KLHL32: variants seen among roughly 807,000 people sequenced by gnomAD.
The protein encoded by KLHL32 is kelch-like protein 32.
Under a neutral mutation model 64.8 loss-of-function variants are expected in KLHL32, and 35 were observed. The observed-to-expected ratio is 0.54, with a 90% CI of 0.41 to 0.72. The LOEUF is 0.72. KLHL32 is among the 30% of genes least tolerant of loss of function. The pLI is 0.00. For synonymous variants in KLHL32, 259 were observed against 281.0 expected (o/e 0.92, Z 0.78); for missense variants, 589 against 768.5 (o/e 0.77, Z 2.76).
At chr6:96,909,859 T>G in the KLHL32 span, among the ~76,000 whole-genome samples, 1 of 152,232 alleles carries the variant, frequency 6.6e-6, no homozygotes, top group Non-Finnish European at 1.5e-5. Flanking sequence ...TGTCAGCAGT[T>G]GTGTCCTGCT....
At chr6:96,912,001 A>C in the KLHL32 span, among the ~76,000 whole-genome samples, 1 of 150,912 alleles carries the variant, frequency 6.6e-6, no homozygotes, top group Non-Finnish European at 1.5e-5. Flanking sequence ...ATGATTCCCA[A>C]ATCTATCACT....
intron 6 of KLHL32, among the ~76,000 whole-genome samples, chr6:97,099,836 G>A (rs1014436720): frequency 2.0e-5 from 3 of 151,636 alleles, no homozygotes; most frequent in Non-Finnish European, 4.4e-5. Context: ...TGACTACCTG[G>A]GCATTGGCCC....
chr6:96,982,787 C>T (rs568228417), intron 3 of KLHL32, among the ~76,000 whole-genome samples: 10 of 152,276 alleles, frequency 6.6e-5, no homozygotes, highest in Admixed American at 4.6e-4. Flanking sequence ...TGGGCTGAGA[C>T]GATGGGGTTT....
chr6:97,060,988 C>T (rs1429810867), intron 4 of KLHL32, among the ~76,000 whole-genome samples: 1 of 152,078 alleles, frequency 6.6e-6, no homozygotes, highest in Non-Finnish European at 1.5e-5. Flanking sequence ...AGGAGATGTT[C>T]CTGGGCCAGA....
At chr6:97,074,064 A>G (rs1372650504) in intron 5 of KLHL32, among the ~76,000 whole-genome samples, 1 of 152,224 alleles carries the variant, frequency 6.6e-6, no homozygotes, top group African/African-American at 2.4e-5. Flanking sequence ...GCACAGTTGA[A>G]GGCCTCGGGT....
At chr6:97,086,437 C>T (rs1424501860) in intron 6 of KLHL32, among the ~76,000 whole-genome samples, 1 of 152,166 alleles carries the variant, frequency 6.6e-6, no homozygotes, top group Non-Finnish European at 1.5e-5. Flanking sequence ...GCTGCAGCGT[C>T]CTGAAGGCCT....
chr6:97,060,508 C>T (rs544459378), intron 4 of KLHL32, among the ~76,000 whole-genome samples: 47 of 152,240 alleles, frequency 3.1e-4, no homozygotes, highest in Non-Finnish European at 6.3e-4. Context: ...ACTGAGGTGG[C>T]CCACGTCATC....
chr6:96,899,316 G>T, the KLHL32 span, among the ~76,000 whole-genome samples: 3 of 152,056 alleles, frequency 2.0e-5, no homozygotes, highest in African/African-American at 7.2e-5. Context: ...GGCTTTTTAG[G>T]CACGGTATTT....
chr6:97,020,738 T>A (rs1448015116), intron 3 of KLHL32, among the ~76,000 whole-genome samples: 1 of 150,972 alleles, frequency 6.6e-6, no homozygotes, highest in Non-Finnish European at 1.5e-5. Context: ...CTCAGTCACT[T>A]CCTATTTCTT....
chr6:97,105,765 C>CAA (rs10711890), intron 6 of KLHL32, among the ~76,000 whole-genome samples: 21 of 147,934 alleles, frequency 1.4e-4, no homozygotes, highest in East Asian at 4.0e-4. Flanking sequence ...TAGACCAAGA[C>CAA]AAAAAAAAAA....
chr6:97,035,250 A>G (rs553468228), intron 3 of KLHL32, among the ~76,000 whole-genome samples: 1 of 152,212 alleles, frequency 6.6e-6, no homozygotes, highest in East Asian at 1.9e-4. Context: ...CCACACTTTT[A>G]CCACCTCCCC....
the KLHL32 span, among the ~76,000 whole-genome samples, chr6:96,911,853 G>C: frequency 6.0e-5 from 2 of 33,076 alleles, no homozygotes; most frequent in Non-Finnish European, 9.1e-5. Context: ...TTTTTTTTTG[G>C]CAGCTGCCAC....
chr6:97,075,738 TACC>T (rs2128168332), intron 5 of KLHL32, among the ~76,000 whole-genome samples: 1 of 152,298 alleles, frequency 6.6e-6, no homozygotes, highest in Admixed American at 6.5e-5. Flanking sequence ...AGTCACATAA[TACC>T]TTGATTTATA....
intron 3 of KLHL32, among the ~76,000 whole-genome samples, chr6:97,015,163 A>G (rs182532404): frequency 3.9e-5 from 6 of 152,328 alleles, no homozygotes; most frequent in Middle Eastern, 3.4e-3. Flanking sequence ...CTGTGAGTCA[A>G]TTAAACCTCC....
At chr6:96,951,220 C>T (rs1772541721) in intron 1 of KLHL32, among the ~76,000 whole-genome samples, 1 of 151,946 alleles carries the variant, frequency 6.6e-6, no homozygotes, top group Non-Finnish European at 1.5e-5. Context: ...GGGAAGAAGC[C>T]AGGACCAGCT....
intron 6 of KLHL32, among the ~76,000 whole-genome samples, chr6:97,110,054 AC>A (rs1796917440): frequency 6.6e-6 from 1 of 152,164 alleles, no homozygotes; most frequent in Admixed American, 6.5e-5. Context: ...AATAATTGGA[AC>A]CCCGTGTCTT....
chr6:97,132,489 T>C (rs1371971735), intron 9 of KLHL32, among the ~76,000 whole-genome samples, 164 bp from the exon 10 acceptor site: 1 of 152,034 alleles, frequency 6.6e-6, no homozygotes, highest in Non-Finnish European at 1.5e-5. Context: ...AAATAGTGCT[T>C]AATTTTTCTG....
intron 6 of KLHL32, among the ~76,000 whole-genome samples, chr6:97,085,701 A>T (rs1677674135): frequency 6.6e-6 from 1 of 152,200 alleles, no homozygotes; most frequent in African/African-American, 2.4e-5. Flanking sequence ...ATATATGCAT[A>T]TTTAAGACCA....
chr6:97,102,814 A>C (rs1410047280), intron 6 of KLHL32, among the ~76,000 whole-genome samples: 1 of 151,900 alleles, frequency 6.6e-6, no homozygotes, highest in Non-Finnish European at 1.5e-5. Context: ...TATATACTAG[A>C]TATGGGATGG....
Sources: allele counts gnomAD v4.1 joint callset (sites outside exome capture counted in the v4.1 genomes callset), GRCh38; gene constraint gnomAD v4.1.1; transcripts MANE v1.5; gene names NCBI Gene and HGNC (gene_info 2026-07-23, HGNC 2026-07-21).